STK3: variants seen among roughly 807,000 people sequenced by gnomAD.
STK3 encodes serine/threonine kinase 3.
In STK3, 41 loss-of-function variants were observed where a neutral mutation model predicts 58.0. The ratio of observed to expected loss-of-function variants is 0.71; its 90% CI spans 0.55 to 0.92. STK3 has a LOEUF of 0.92. STK3 is among the 40% of genes least tolerant of loss of function. The probability of loss-of-function intolerance (pLI) is 0.00; values close to 1 mark genes in which losing one functional copy is unlikely to be tolerated. For missense variants in STK3, 479 were observed against 602.7 expected, an observed-to-expected ratio of 0.79 and a Z score of 2.15; for synonymous variants, 170 against 191.0, an observed-to-expected ratio of 0.89 and a Z score of 0.91.
intron 4 of STK3, among the ~76,000 whole-genome samples, chr8:98,723,242 C>A (rs1259292941): frequency 6.6e-6 from 1 of 151,990 alleles, no homozygotes; most frequent in Admixed American, 6.6e-5. Context: ...AAAAGTAAGA[C>A]ATTTATAGCT....
At chr8:98,670,539 C>T (rs1196088480) in intron 6 of STK3, among the ~76,000 whole-genome samples, 1 of 152,104 alleles carries the variant, frequency 6.6e-6, no homozygotes, top group African/African-American at 2.4e-5. Flanking sequence ...GCAGAAAAAT[C>T]CTAGTCAGAC....
chr8:98,644,368 G>C (rs935215576), intron 6 of STK3, among the ~76,000 whole-genome samples: 1 of 152,134 alleles, frequency 6.6e-6, no homozygotes, highest in East Asian at 1.9e-4. Flanking sequence ...TTTTGAGAGA[G>C]CAACTCACAG....
At chr8:98,559,195 C>T (rs1314437751) in intron 8 of STK3, among the ~76,000 whole-genome samples, 1 of 152,054 alleles carries the variant, frequency 6.6e-6, no homozygotes, top group Non-Finnish European at 1.5e-5. Flanking sequence ...AAAAGTCAGG[C>T]AAAACCTGTT....
chr8:98,914,805 T>G (rs954250388), intron 1 of STK3, among the ~76,000 whole-genome samples: 4 of 152,132 alleles, frequency 2.6e-5, no homozygotes, highest in African/African-American at 9.7e-5. Flanking sequence ...TAAACAGTGG[T>G]TGATTGAAGG....
intron 4 of STK3, among the ~76,000 whole-genome samples, chr8:98,720,249 T>C (rs1827299649): frequency 2.0e-5 from 3 of 152,254 alleles, no homozygotes; most frequent in Admixed American, 2.0e-4. Flanking sequence ...AAGTATTTTA[T>C]GTGATTTCTC....
At chr8:98,843,491 A>G (rs540847625) in intron 3 of STK3, among the ~76,000 whole-genome samples, 1 of 152,320 alleles carries the variant, frequency 6.6e-6, no homozygotes, top group African/African-American at 2.4e-5. Flanking sequence ...TAAGACTTCA[A>G]TGGCTGCCGA....
At chr8:98,660,147 A>T (rs1435171937) in intron 6 of STK3, among the ~76,000 whole-genome samples, 1 of 152,090 alleles carries the variant, frequency 6.6e-6, no homozygotes, top group Non-Finnish European at 1.5e-5. Context: ...CATTATGCTA[A>T]GTGAAATAAG....
chr8:98,715,080 T>C (rs1337917919), intron 4 of STK3, among the ~76,000 whole-genome samples: 1 of 152,008 alleles, frequency 6.6e-6, no homozygotes, highest in African/African-American at 2.4e-5. Context: ...GCCAGCCATA[T>C]GAAGAAAGCT....
intron 6 of STK3, among the ~76,000 whole-genome samples, chr8:98,634,755 G>C (rs1468847320): frequency 2.0e-5 from 3 of 152,124 alleles, no homozygotes; most frequent in Non-Finnish European, 4.4e-5. Flanking sequence ...CTGGAGGAAA[G>C]CCAGGGAATG....
chr8:98,386,885 G>A (rs1180226410), intron 1 of STK3, among the ~76,000 whole-genome samples: 1 of 152,210 alleles, frequency 6.6e-6, no homozygotes, highest in Non-Finnish European at 1.5e-5. Context: ...ACGAACCCCG[G>A]AGGTGGAGGT....
intron 1 of STK3, among the ~76,000 whole-genome samples, chr8:98,895,263 T>G (rs556394073): frequency 1.3e-5 from 2 of 152,294 alleles, no homozygotes; most frequent in African/African-American, 4.8e-5. Context: ...TTGATGGGCC[T>G]GAGGTAAGCC....
intron 1 of STK3, among the ~76,000 whole-genome samples, chr8:98,884,043 G>A (rs1350075048): frequency 6.6e-6 from 1 of 152,152 alleles, no homozygotes; most frequent in African/African-American, 2.4e-5. Flanking sequence ...GACAGCCAAT[G>A]TGGACAAGGA....
At chr8:98,476,541 G>A (rs532631572) in intron 10 of STK3, among the ~76,000 whole-genome samples, 1 of 152,248 alleles carries the variant, frequency 6.6e-6, no homozygotes, top group East Asian at 1.9e-4. Context: ...GATTCCAGGT[G>A]GAACCAATGT....
chr8:98,529,014 C>G (rs373524642), intron 9 of STK3, among the ~76,000 whole-genome samples: 1 of 151,922 alleles, frequency 6.6e-6, no homozygotes, highest in African/African-American at 2.4e-5. Flanking sequence ...GTCTACTGTT[C>G]CTCTAAAAAG....
intron 10 of STK3, among the ~76,000 whole-genome samples, chr8:98,465,808 G>A (rs149570754): frequency 1.3e-5 from 2 of 152,102 alleles, no homozygotes; most frequent in East Asian, 3.9e-4. Context: ...GAGAAATCTC[G>A]GCCACCCATT....
intron 3 of STK3, among the ~76,000 whole-genome samples, chr8:98,754,801 T>C (rs923966967): frequency 6.6e-6 from 1 of 152,110 alleles, no homozygotes. Context: ...TGAACCACCA[T>C]GCCCGCCAAA....
chr8:98,854,285 C>CTTA (rs1242648508), intron 3 of STK3, among the ~76,000 whole-genome samples: 1 of 151,916 alleles, frequency 6.6e-6, no homozygotes, highest in Non-Finnish European at 1.5e-5. Flanking sequence ...ATTACAGGTG[C>CTTA]CCACCACAAT....
intron 1 of STK3, among the ~76,000 whole-genome samples, chr8:98,808,985 T>C (rs1181393549): frequency 6.6e-6 from 1 of 152,148 alleles, no homozygotes; most frequent in African/African-American, 2.4e-5. Context: ...CAATCATGCC[T>C]ACAGGGTGAA....
intron 6 of STK3, among the ~76,000 whole-genome samples, chr8:98,622,787 T>C (rs1818427294): frequency 6.6e-6 from 1 of 152,220 alleles, no homozygotes; most frequent in Admixed American, 6.5e-5. Flanking sequence ...GGTAGAAACA[T>C]TCTATCAAAC....
Sources: allele counts gnomAD v4.1 joint callset (sites outside exome capture counted in the v4.1 genomes callset), GRCh38; gene constraint gnomAD v4.1.1; transcripts MANE v1.5; gene names NCBI Gene and HGNC (gene_info 2026-07-23, HGNC 2026-07-21).